CBFB: variants seen among roughly 807,000 people sequenced by gnomAD.
CBFB encodes the protein CBF-beta.
A neutral mutation model predicts 30.4 loss-of-function variants in CBFB; 9 were observed. That is an observed-to-expected ratio of 0.30 (90% CI 0.18 to 0.52). CBFB has a LOEUF of 0.52. Among genes scored for constraint, CBFB ranks in the 20% least tolerant of loss-of-function variants. The pLI is 0.97. For synonymous variants in CBFB, 94 were observed against 84.0 expected (o/e 1.12, Z -0.65); for missense variants, 170 against 244.0 (o/e 0.70, Z 2.02).
chr16:67,097,668 A>G (rs1470723404), intron 5 of CBFB, among the ~76,000 whole-genome samples: 1 of 152,154 alleles, frequency 6.6e-6, no homozygotes, highest in Non-Finnish European at 1.5e-5. Flanking sequence ...TTTCAGTCAT[A>G]TAATTAGTAG....
chr16:67,052,031 G>T (rs147647332), intron 3 of CBFB, among the ~76,000 whole-genome samples: 2 of 151,484 alleles, frequency 1.3e-5, no homozygotes, highest in Non-Finnish European at 2.9e-5. Context: ...GCCGTGACAC[G>T]ATCTCAGCTC....
At chr16:67,067,561 G>A (rs1017108328) in intron 4 of CBFB, among the ~76,000 whole-genome samples, 1 of 152,040 alleles carries the variant, frequency 6.6e-6, no homozygotes, top group Non-Finnish European at 1.5e-5. Flanking sequence ...AAGGCCTCAT[G>A]GAAGCTATTG....
At chr16:67,070,886 A>G (rs1056743707) in intron 4 of CBFB, among the ~76,000 whole-genome samples, 3 of 152,178 alleles carry the variant, frequency 2.0e-5, no homozygotes, top group Non-Finnish European at 2.9e-5. Flanking sequence ...AAAGTATTTT[A>G]TTAAGATAAT....
intron 3 of CBFB, among the ~76,000 whole-genome samples, chr16:67,037,662 G>A (rs1966464459): frequency 7.0e-6 from 1 of 142,452 alleles, no homozygotes; most frequent in African/African-American, 2.9e-5. Flanking sequence ...TTATGATTTT[G>A]GTAATTTTTT....
At chr16:67,031,840 A>C (rs1344278288) in intron 2 of CBFB, among the ~76,000 whole-genome samples, 1 of 149,154 alleles carries the variant, frequency 6.7e-6, no homozygotes, top group Non-Finnish European at 1.5e-5. Context: ...TTTAAGAGAG[A>C]GGTCTTGCTG....
chr16:67,083,597 C>G (rs1597156615), intron 5 of CBFB, among the ~76,000 whole-genome samples: 1 of 152,034 alleles, frequency 6.6e-6, no homozygotes, highest in East Asian at 1.9e-4. Flanking sequence ...TGCGTCTGGC[C>G]CATTATTTCA....
intron 3 of CBFB, among the ~76,000 whole-genome samples, chr16:67,062,276 C>A (rs1320858697): frequency 6.7e-6 from 1 of 149,914 alleles, no homozygotes; most frequent in African/African-American, 2.4e-5. Context: ...TCAAATGATT[C>A]TCCTGCCTCA....
intron 3 of CBFB, among the ~76,000 whole-genome samples, chr16:67,045,603 A>G (rs567981288): frequency 1.3e-5 from 2 of 152,222 alleles, no homozygotes; most frequent in South Asian, 4.1e-4. Flanking sequence ...TGGTAAATGC[A>G]CCTCTGAAGC....
intron 2 of CBFB, 59 bp from the exon 3 acceptor site, chr16:67,036,580 C>G (rs556551734): frequency 2.7e-5 from 25 of 924,360 alleles, no homozygotes; most frequent in African/African-American, 1.9e-4. Context: ...TAAATGACTG[C>G]TTGCATAATT....
intron 2 of CBFB, among the ~76,000 whole-genome samples, chr16:67,033,016 A>T (rs1489479320): frequency 6.6e-6 from 1 of 152,146 alleles, no homozygotes; most frequent in East Asian, 1.9e-4. Context: ...CTGGAATTAC[A>T]GGCGTATACC....
intron 5 of CBFB, among the ~76,000 whole-genome samples, chr16:67,096,925 CAAA>C (rs911939844): frequency 8.4e-5 from 7 of 83,422 alleles, no homozygotes; most frequent in Non-Finnish European, 4.9e-5. Flanking sequence ...GACTCCGTCT[CAAA>C]AAAAAAAAAA....
chr16:67,029,957 G>A (rs1217027838), intron 2 of CBFB, 144 bp downstream of exon 2: 1 of 510,716 alleles, frequency 2.0e-6, no homozygotes. Context: ...GATTCAAAAT[G>A]CGAAACCAGA....
At chr16:67,032,243 T>C (rs1398200987) in intron 2 of CBFB, among the ~76,000 whole-genome samples, 1 of 152,180 alleles carries the variant, frequency 6.6e-6, no homozygotes, top group African/African-American at 2.4e-5. Context: ...GATCCTCACC[T>C]GAGCCCGGGA....
At chr16:67,076,000 G>A (rs957358392) in intron 4 of CBFB, among the ~76,000 whole-genome samples, 1 of 152,188 alleles carries the variant, frequency 6.6e-6, no homozygotes, top group Non-Finnish European at 1.5e-5. Context: ...GGGAGGCCAA[G>A]GTGGGCAGAT....
At chr16:67,072,448 T>C (rs1961250959) in intron 4 of CBFB, among the ~76,000 whole-genome samples, 1 of 152,040 alleles carries the variant, frequency 6.6e-6, no homozygotes, top group African/African-American at 2.4e-5. Context: ...GATTTTTCAA[T>C]ATGGTCTTGT....
chr16:67,070,861 C>T (rs2145755978), intron 4 of CBFB, among the ~76,000 whole-genome samples: 1 of 152,144 alleles, frequency 6.6e-6, no homozygotes, highest in East Asian at 1.9e-4. Context: ...GTCTCAAAAA[C>T]AAACAACAAA....
In CBFB at chr16:67,068,582, A is replaced by G. The variant is rs896785693; in HGVS notation, c.399+1784A>G. Among the ~76,000 whole-genome samples the G allele has an allele frequency of 2.0e-5, 3 of 152,322 alleles. No homozygotes were observed. The South Asian group carries it at 6.2e-4, about 32-fold the overall frequency. ...TTAGTCCAGGCGAGTCACTAAACAA[A>G]CAAACATCAACAACAAGCTGAAAGC... On this transcript the variant is annotated intron_variant, in intron 4 of 5. Coordinates refer to ENST00000412916, the MANE Select transcript of CBFB (RefSeq NM_022845.3).
At chr16:67,069,749 C>T (rs568389648) in intron 4 of CBFB, among the ~76,000 whole-genome samples, 3 of 152,142 alleles carry the variant, frequency 2.0e-5, no homozygotes, top group African/African-American at 7.2e-5. Flanking sequence ...GAAGGAACCA[C>T]GGTAAGATTA....
chr16:67,059,142 G>A (rs996814383), intron 3 of CBFB, among the ~76,000 whole-genome samples: 1 of 152,174 alleles, frequency 6.6e-6, no homozygotes, highest in Non-Finnish European at 1.5e-5. Context: ...TAAAGGAAAA[G>A]ACAGGTAAGG....
Sources: allele counts gnomAD v4.1 joint callset (sites outside exome capture counted in the v4.1 genomes callset), GRCh38; gene constraint gnomAD v4.1.1; transcripts MANE v1.5; gene names NCBI Gene and HGNC (gene_info 2026-07-23, HGNC 2026-07-21).